The following FNDC3B variants were observed in gnomAD, a reference collection of about 807,000 sequenced individuals.
FNDC3B encodes fibronectin type III domain containing 3B.
A neutral mutation model predicts 151.5 loss-of-function variants in FNDC3B; 12 were observed. That is an observed-to-expected ratio of 0.08 (90% CI 0.05 to 0.13). The LOEUF (loss-of-function observed/expected upper bound fraction) is 0.13. FNDC3B is among the 10% of genes least tolerant of loss of function. The pLI is 1.00. For synonymous variants in FNDC3B, 528 were observed against 549.0 expected, an observed-to-expected ratio of 0.96 and a Z score of 0.54; for missense variants, 1,214 against 1,505.3, an observed-to-expected ratio of 0.81 and a Z score of 3.20.
rs184447163 is a variant in FNDC3B, at chr3:172,095,345, G to A, written c.-28-17107G>A. 6.5e-3 allele frequency among the ~76,000 whole-genome samples: 986 copies of A among 152,268 alleles called. 16 individuals carry two copies. Among genetic ancestry groups the A allele is most frequent in the African/African-American group, 0.023 (942 of 41,542 alleles). The stretch of plus-strand genomic sequence containing the variant: ...TCTTTTTCAGACTTGGGATTCTGTG[G>A]TATATTCTGAAACTGAAAATAGCTT... On this transcript the variant is annotated intron_variant, in intron 1 of 25. Coordinates refer to ENST00000415807, the MANE Select transcript of FNDC3B (RefSeq NM_022763.4).
intron 11 of FNDC3B, chr3:172,316,323 T>C (rs1731787233): frequency 2.3e-6 from 1 of 437,668 alleles, no homozygotes; most frequent in Non-Finnish European, 4.5e-6. Context: ...TGATGACATA[T>C]CACTATCTAG....
chr3:172,170,060 T>G (rs544178943), intron 3 of FNDC3B, among the ~76,000 whole-genome samples: 80 of 152,338 alleles, frequency 5.3e-4, no homozygotes, highest in African/African-American at 1.9e-3. Context: ...TTTTTTTGTT[T>G]GTTTAAATTT....
At chr3:172,046,593 G>T (rs1228476757) in intron 1 of FNDC3B, among the ~76,000 whole-genome samples, 1 of 151,988 alleles carries the variant, frequency 6.6e-6, no homozygotes, top group Non-Finnish European at 1.5e-5. Flanking sequence ...AAAATGTTGG[G>T]ATTATAGGTT....
intron 7 of FNDC3B, 91 bp downstream of exon 7, chr3:172,286,075 A>G: frequency 1.1e-6 from 1 of 898,922 alleles, no homozygotes; most frequent in Non-Finnish European, 1.8e-6. Flanking sequence ...GTAGGTAAGG[A>G]AAAGGGCTCT....
rs1171116718 is a variant in FNDC3B, at chr3:172,347,286, C to A, written c.2439C>A (p.Leu813=). Residue 813 remains leucine (L), a synonymous_variant, in exon 21 of 26, where the codon CTC becomes CTA. Coordinates refer to ENST00000415807, the MANE Select transcript of FNDC3B (RefSeq NM_022763.4). The part of the protein sequence containing the change: ...EWGEDEESLE[L]IYHGTDTRFE... Reference sequence around the variant, plus strand: ...GAGAAGATGAAGAATCCTTAGAACTCATTTATCATGGGACAGACACCCGTT... The same window carrying A: ...GAGAAGATGAAGAATCCTTAGAACTAATTTATCATGGGACAGACACCCGTT... 4 of 1,613,804 alleles carry A rather than the reference C, an allele frequency of 2.5e-6. No homozygotes were observed. The African/African-American group carries it at 5.3e-5, about 22-fold the overall frequency.
At chr3:172,363,255 T>C (rs1406859488) in intron 23 of FNDC3B, among the ~76,000 whole-genome samples, 1 of 152,186 alleles carries the variant, frequency 6.6e-6, no homozygotes, top group Non-Finnish European at 1.5e-5. Context: ...TGTTTACCAA[T>C]GTGAAATAGC....
At chr3:172,217,646 G>T (rs750768508) in intron 3 of FNDC3B, among the ~76,000 whole-genome samples, 2 of 70,614 alleles carry the variant, frequency 2.8e-5, no homozygotes, top group Non-Finnish European at 8.4e-5. Flanking sequence ...AGTGTATAGG[G>T]TTTTTTTTTT....
chr3:172,373,668 A>G (rs531509723), intron 23 of FNDC3B, among the ~76,000 whole-genome samples: 3 of 152,314 alleles, frequency 2.0e-5, no homozygotes, highest in Non-Finnish European at 4.4e-5. Flanking sequence ...TCTTTGTAAA[A>G]CAAATATTTG....
intron 3 of FNDC3B, among the ~76,000 whole-genome samples, chr3:172,196,380 T>A (rs1191845000): frequency 6.6e-6 from 1 of 150,726 alleles, no homozygotes; most frequent in Non-Finnish European, 1.5e-5. Flanking sequence ...GGGATGGGGG[T>A]CTTGCTCTGT....
At chr3:172,249,217 G>A (rs62281810) in intron 5 of FNDC3B, among the ~76,000 whole-genome samples, 20,911 of 152,080 alleles carry the variant, frequency 0.14, 1,601 homozygotes, top group African/African-American at 0.21. Context: ...CTTGGTGACT[G>A]ACTCATTGCT....
chr3:172,341,570 A>G (rs1733326718), intron 17 of FNDC3B, among the ~76,000 whole-genome samples: 1 of 152,242 alleles, frequency 6.6e-6, no homozygotes, highest in African/African-American at 2.4e-5. Context: ...TTAAAAAACT[A>G]TAGATTTTAG....
intron 25 of FNDC3B, among the ~76,000 whole-genome samples, chr3:172,385,829 A>G (rs569203890): frequency 4.6e-5 from 7 of 152,272 alleles, no homozygotes; most frequent in Admixed American, 6.5e-5. Flanking sequence ...AAGTGCTGGG[A>G]TTACAGGCGT....
intron 10 of FNDC3B, among the ~76,000 whole-genome samples, chr3:172,307,789 CAACT>C (rs1392122346): frequency 1.3e-5 from 2 of 152,166 alleles, no homozygotes; most frequent in Non-Finnish European, 2.9e-5. Context: ...TATGTGCAAC[CAACT>C]GTTATATCAA....
rs556190362 is a variant in FNDC3B, at chr3:172,261,335, A to G, written c.790+9794A>G. Among the ~76,000 whole-genome samples, 4 of 152,300 alleles carry G rather than the reference A, an allele frequency of 2.6e-5. No individual in the cohort carries two copies. In the South Asian group the frequency reaches 8.3e-4, roughly 32 times the overall value. On this transcript the variant is annotated intron_variant, in intron 6 of 25. Coordinates refer to ENST00000415807, the MANE Select transcript of FNDC3B (RefSeq NM_022763.4). Reference sequence around the variant, plus strand: ...GCAAATTTCCTGCTGCTATGTCAACATCGATTTTGTCATTGCTTCTCCTTC... The same window carrying G: ...GCAAATTTCCTGCTGCTATGTCAACGTCGATTTTGTCATTGCTTCTCCTTC...
intron 3 of FNDC3B, among the ~76,000 whole-genome samples, chr3:172,160,365 C>T (rs1187243288): frequency 6.6e-6 from 1 of 152,196 alleles, no homozygotes; most frequent in Non-Finnish European, 1.5e-5. Flanking sequence ...CCTTGGCTCC[C>T]TCTCTGTGGC....
At position 172,298,714 on chromosome 3, in the gene FNDC3B, C is replaced by T. The variant is rs764934303; in HGVS notation, c.1002-14C>T. On this transcript the variant is annotated splice_polypyrimidine_tract_variant and intron_variant, in intron 8 of 25. Coordinates refer to ENST00000415807, the MANE Select transcript of FNDC3B (RefSeq NM_022763.4). ...AACTGGAATTAGCAACTAATGAATG[C>T]TTTTTCTTTACAGTGGAGAAGAATT... 9 of 1,592,358 alleles carry T rather than the reference C, an allele frequency of 5.7e-6. No homozygotes were observed. The highest frequency in any genetic ancestry group is 1.8e-5 in the Admixed American group (1 of 56,038).
chr3:172,353,113 A>T, intron 22 of FNDC3B, 30 bp downstream of exon 22: 2 of 1,596,936 alleles, frequency 1.3e-6, no homozygotes, highest in Non-Finnish European at 8.5e-7. Context: ...AATCTGCATC[A>T]GCACATCAGC....
chr3:172,175,636 G>A (rs557132627), intron 3 of FNDC3B, among the ~76,000 whole-genome samples: 1 of 152,322 alleles, frequency 6.6e-6, no homozygotes, highest in East Asian at 1.9e-4. Flanking sequence ...TGAATTTGAT[G>A]TAGATTCTGC....
chr3:172,159,973 A>C (rs1722684146), intron 3 of FNDC3B, among the ~76,000 whole-genome samples: 2 of 152,182 alleles, frequency 1.3e-5, no homozygotes, highest in Admixed American at 6.5e-5. Context: ...ACCCTTTTAT[A>C]AATGGGCTGG....
Sources: gnomAD v4.1 joint callset for allele counts (sites outside exome capture counted in the v4.1 genomes callset) on GRCh38, gnomAD v4.1.1 for gene constraint, MANE v1.5 for transcripts, NCBI Gene and HGNC (gene_info 2026-07-23, HGNC 2026-07-21) for gene names.